Variants in MITF observed in about 807,000 individuals in gnomAD.
The protein encoded by MITF is melanocyte inducing transcription factor, also known as microphthalmia-associated transcription factor.
In MITF, 17 loss-of-function variants were observed where a neutral mutation model predicts 60.5. The ratio of observed to expected loss-of-function variants is 0.28; its 90% confidence interval spans 0.19 to 0.42. The LOEUF is 0.42. Ranked by LOEUF, MITF falls within the 10% of genes least tolerant of loss-of-function variation. The probability of loss-of-function intolerance (pLI) is 1.00; values close to 1 mark genes in which losing one functional copy is unlikely to be tolerated. For missense variants in MITF, 622 were observed against 683.5 expected (o/e 0.91, Z 1.00); for synonymous variants, 260 against 248.5 (o/e 1.05, Z -0.43).
intron 1 of MITF, among the ~76,000 whole-genome samples, chr3:69,770,393 A>G (rs1242499719): frequency 2.0e-5 from 3 of 152,200 alleles, no homozygotes; most frequent in Admixed American, 6.5e-5. Context: ...AGAGTCACCT[A>G]TCCAGGGTAG....
Position 69,966,665 on chromosome 3 carries a change from ATCTAC to A in MITF, c.*1419_*1423del, listed in dbSNP as rs1488301098. ...GTTATAAAGTTAGTTTCAGTGCATT[ATCTAC>A]TTGTGTAGTCCTATGCAATAACAGT... On this transcript the variant is annotated 3_prime_UTR_variant, in exon 10 of 10. Coordinates refer to ENST00000352241, the MANE Select transcript of MITF (RefSeq NM_001354604.2). 8 of 232,990 alleles carry A rather than the reference ATCTAC, an allele frequency of 3.4e-5. No homozygotes were observed. The East Asian group carries it at 4.9e-4, about 14-fold the overall frequency. The allele number at this position is 232,990 out of a possible 1,614,324, so 14.4% of individuals were successfully genotyped here.
At position 69,891,211 on chromosome 3, in the gene MITF, G is replaced by A. The variant is rs186297929; in HGVS notation, c.354+11828G>A. ...AATGAATTAGAAGAATCTTGATAGA[G>A]CTCATAATACAATGTTATGAATATG... is the stretch of plus-strand genomic sequence containing the variant. On this transcript the variant is annotated intron_variant, in intron 2 of 9. Coordinates refer to ENST00000352241, the MANE Select transcript of MITF (RefSeq NM_001354604.2). Among the ~76,000 whole-genome samples, 5 of 152,208 alleles carry A rather than the reference G, an allele frequency of 3.3e-5. No homozygotes were observed. The East Asian group carries it at 7.7e-4, about 24-fold the overall frequency.
intron 2 of MITF, among the ~76,000 whole-genome samples, chr3:69,910,454 A>G (rs1381713827): frequency 1.3e-5 from 2 of 151,968 alleles, no homozygotes; most frequent in South Asian, 2.1e-4. Flanking sequence ...ACTATCCTCC[A>G]TACCCCAGAA....
At chr3:69,749,178 G>A (rs549616742) in intron 1 of MITF, among the ~76,000 whole-genome samples, 1 of 152,296 alleles carries the variant, frequency 6.6e-6, no homozygotes, top group East Asian at 1.9e-4. Flanking sequence ...TTGAGATGTA[G>A]CCACACTGTA....
At chr3:69,958,762 A>G (rs1473667445) in intron 8 of MITF, among the ~76,000 whole-genome samples, 1 of 151,818 alleles carries the variant, frequency 6.6e-6, no homozygotes, top group African/African-American at 2.4e-5. Flanking sequence ...TTAAGTCCTG[A>G]CTCTGCCATA....
At chr3:69,740,427 AC>A (rs1360705124) in intron 1 of MITF, among the ~76,000 whole-genome samples, 1 of 151,964 alleles carries the variant, frequency 6.6e-6, no homozygotes, top group African/African-American at 2.4e-5. Context: ...CTGGGAGTGT[AC>A]CCCGCTTGGC....
chr3:69,889,073 T>C (rs2107312516), intron 2 of MITF, among the ~76,000 whole-genome samples: 1 of 142,354 alleles, frequency 7.0e-6, no homozygotes, highest in Admixed American at 7.6e-5. Context: ...TGTTTGGTGA[T>C]ATTTATGGCA....
chr3:69,810,296 G>A (rs1280605705), intron 1 of MITF, among the ~76,000 whole-genome samples: 1 of 152,112 alleles, frequency 6.6e-6, no homozygotes, highest in Non-Finnish European at 1.5e-5. Context: ...TCTTTACAAA[G>A]CGTTGTGTCA....
At chr3:69,960,327 A>G (rs1408084158) in intron 9 of MITF, among the ~76,000 whole-genome samples, 1 of 152,174 alleles carries the variant, frequency 6.6e-6, no homozygotes, top group Non-Finnish European at 1.5e-5. Flanking sequence ...ATACACCATT[A>G]GAAGAAGACA....
intron 1 of MITF, among the ~76,000 whole-genome samples, chr3:69,827,383 A>T (rs1408718596): frequency 1.3e-5 from 2 of 152,248 alleles, no homozygotes; most frequent in Non-Finnish European, 2.9e-5. Flanking sequence ...GATTGACAGT[A>T]GCTCTGATCT....
At chr3:69,896,552 T>C (rs1050247275) in intron 2 of MITF, among the ~76,000 whole-genome samples, 3 of 152,212 alleles carry the variant, frequency 2.0e-5, no homozygotes, top group Admixed American at 6.5e-5. Flanking sequence ...GATGCTGAAT[T>C]AGGGTTTACT....
intron 1 of MITF, among the ~76,000 whole-genome samples, chr3:69,833,701 TGTGGTTCTCTGTTTACACTGTA>T (rs1444210134): frequency 1.3e-5 from 2 of 149,016 alleles, no homozygotes; most frequent in Non-Finnish European, 2.9e-5. Flanking sequence ...TTACACTGTA[TGTGGTTCTCTGTTTACACTGTA>T]TGTGCTTTTT....
intron 1 of MITF, among the ~76,000 whole-genome samples, chr3:69,791,835 A>T (rs1175743274): frequency 6.6e-6 from 1 of 152,194 alleles, no homozygotes; most frequent in African/African-American, 2.4e-5. Context: ...TATATGTTTC[A>T]TGCTGGGTCT....
intron 1 of MITF, among the ~76,000 whole-genome samples, chr3:69,852,109 A>C (rs186902365): frequency 5.3e-5 from 8 of 152,298 alleles, no homozygotes; most frequent in Admixed American, 1.3e-4. Flanking sequence ...AGATGGGATC[A>C]AGGAAGATTG....
At chr3:69,855,909 G>T (rs2063910641) in intron 1 of MITF, among the ~76,000 whole-genome samples, 1 of 151,960 alleles carries the variant, frequency 6.6e-6, no homozygotes. Flanking sequence ...CTTATTTACA[G>T]GCACTATCAA....
At chr3:69,854,050 GTAT>G (rs1267760878) in intron 1 of MITF, among the ~76,000 whole-genome samples, 16 of 151,892 alleles carry the variant, frequency 1.1e-4, no homozygotes, top group Non-Finnish European at 1.8e-4. Flanking sequence ...GAGTTTCACC[GTAT>G]TGGTCAGGCT....
In MITF at chr3:69,964,911, C is replaced by T. The variant is rs2107551959; in HGVS notation, c.1244C>T (p.Pro415Leu). The T allele has an allele frequency of 6.2e-7, 1 of 1,614,136 alleles. No individual in the cohort carries two copies. The highest frequency in any genetic ancestry group is 1.3e-5 in the African/African-American group (1 of 75,026). Residue 415 changes from proline to leucine, a missense_variant, in exon 10 of 10, where the codon CCA becomes CTA. By Grantham distance (98) the Pro-to-Leu change is moderately conservative. Transcript: ENST00000352241. ...SLIPSTGLCS[P>L]DLVNRIIKQE... ...ATTCCATCCACGGGTCTCTGCTCTCCAGATTTGGTGAATCGGATCATCAAG... is the reference window on the plus strand; with the variant it reads ...ATTCCATCCACGGGTCTCTGCTCTCTAGATTTGGTGAATCGGATCATCAAG...
chr3:69,953,321 A>G (rs1195422290), intron 7 of MITF, among the ~76,000 whole-genome samples: 4 of 152,108 alleles, frequency 2.6e-5, no homozygotes, highest in Non-Finnish European at 5.9e-5. Context: ...AAAACAATAG[A>G]TACCTGTAAT....
rs1216163932 is a variant in MITF, at chr3:69,967,821, A to G, written c.*2573A>G. ...TTGTAACAAGAAAATGATCCACACC[A>G]CTCCCCCGATTCCCGGGTGCAGAAT... is the stretch of plus-strand genomic sequence containing the variant. On this transcript the variant is annotated 3_prime_UTR_variant, in exon 10 of 10. Coordinates refer to ENST00000352241, the MANE Select transcript of MITF (RefSeq NM_001354604.2). 1 of 232,592 alleles carries G rather than the reference A, an allele frequency of 4.3e-6. No individual in the cohort carries two copies. Among genetic ancestry groups the G allele is most frequent in the African/African-American group, 2.2e-5 (1 of 45,118 alleles). 14.4% of individuals were successfully genotyped at this position (232,592 alleles called of 1,614,324 possible).
Sources: allele counts gnomAD v4.1 joint callset (sites outside exome capture counted in the v4.1 genomes callset), GRCh38; gene constraint gnomAD v4.1.1; transcripts MANE v1.5; gene names NCBI Gene and HGNC (gene_info 2026-07-23, HGNC 2026-07-21).